Variants in ZDHHC20 observed in about 807,000 individuals in gnomAD.
The protein encoded by ZDHHC20 is palmitoyltransferase ZDHHC20.
ZDHHC20 carries 43 observed loss-of-function variants against 57.8 expected under a neutral mutation model. That is an observed-to-expected ratio of 0.74 (90% confidence interval 0.58 to 0.96). ZDHHC20 has a LOEUF of 0.96. ZDHHC20 is among the 40% of genes least tolerant of loss of function. The pLI, the probability that ZDHHC20 is intolerant of heterozygous loss-of-function variation, is 0.00. For missense variants in ZDHHC20, 391 were observed against 441.1 expected, an observed-to-expected ratio of 0.89 and a Z score of 1.02; for synonymous variants, 157 against 153.0, an observed-to-expected ratio of 1.03 and a Z score of -0.19.
intron 1 of ZDHHC20, among the ~76,000 whole-genome samples, chr13:21,440,271 T>G (rs1883007420): frequency 6.6e-6 from 1 of 152,106 alleles, no homozygotes; most frequent in Non-Finnish European, 1.5e-5. Context: ...GACTATTGTT[T>G]GTACTGTTTT....
intron 4 of ZDHHC20, among the ~76,000 whole-genome samples, chr13:21,412,980 A>C (rs1057449621): frequency 3.4e-4 from 52 of 151,628 alleles, no homozygotes; most frequent in African/African-American, 1.2e-3. Flanking sequence ...AAAAAAAAAA[A>C]AAAAAAAAAA....
At position 21,399,425 on chromosome 13, in the gene ZDHHC20, A is replaced by C. The variant is rs567317151; in HGVS notation, c.594+948T>G. ...TAAATTTTTAAAAAATGGCACATGC[A>C]CAGAGAAAATTAAAATAATGCTAAA... is the stretch of plus-strand genomic sequence containing the variant. On this transcript the variant is annotated intron_variant, in intron 7 of 12. Transcript: ENST00000400590. Among the ~76,000 whole-genome samples, 7 of 152,182 alleles carry C rather than the reference A, an allele frequency of 4.6e-5. No individual in the cohort carries two copies. In the East Asian group the frequency reaches 1.3e-3, roughly 29 times the overall value.
chr13:21,384,207 AG>A (rs1874009323), intron 9 of ZDHHC20, among the ~76,000 whole-genome samples: 3 of 151,768 alleles, frequency 2.0e-5, no homozygotes, highest in African/African-American at 7.3e-5. Context: ...TGGGAGGCTG[AG>A]GCAGGCGGAT....
chr13:21,410,676 T>C (rs938285548), intron 4 of ZDHHC20, among the ~76,000 whole-genome samples: 1 of 152,190 alleles, frequency 6.6e-6, no homozygotes, highest in African/African-American at 2.4e-5. Flanking sequence ...AAAATCCACT[T>C]ACTCAAGCCT....
At chr13:21,422,282 A>C (rs1459933316) in intron 2 of ZDHHC20, among the ~76,000 whole-genome samples, 1 of 151,874 alleles carries the variant, frequency 6.6e-6, no homozygotes, top group African/African-American at 2.4e-5. Context: ...AAAGAAAAGA[A>C]AGACCAAGAA....
At chr13:21,452,596 TATTAATATA>T (rs1884552068) in intron 1 of ZDHHC20, among the ~76,000 whole-genome samples, 1 of 152,192 alleles carries the variant, frequency 6.6e-6, no homozygotes, top group Non-Finnish European at 1.5e-5. Context: ...CTTTAAAAAC[TATTAATATA>T]ATCAACTGTT....
intron 1 of ZDHHC20, among the ~76,000 whole-genome samples, chr13:21,443,579 T>G (rs922843498): frequency 6.6e-6 from 1 of 152,248 alleles, no homozygotes; most frequent in Admixed American, 6.5e-5. Context: ...GTATGGGTTT[T>G]AGAAGGATAT....
chr13:21,375,503 G>C lies in ZDHHC20; in HGVS notation c.*1193C>G, dbSNP rs1386640083. On this transcript the variant is annotated 3_prime_UTR_variant, in exon 13 of 13. Coordinates refer to ENST00000400590, the MANE Select transcript of ZDHHC20 (RefSeq NM_001330059.2). ...GGAGAAATGTGTCTAGTCATAAAGG[G>C]GTTGCCGTTAGGAAGTCAGACTTCA... 1 of 186,258 alleles carries C rather than the reference G, an allele frequency of 5.4e-6. No homozygotes were observed. Among genetic ancestry groups the C allele is most frequent in the African/African-American group, 2.4e-5 (1 of 41,678 alleles). 11.5% of individuals were successfully genotyped at this position (186,258 alleles called of 1,614,324 possible). A position where few individuals can be genotyped will look rare whatever the true frequency, so the allele number is the denominator to read the frequency against.
rs950218968 is a variant in ZDHHC20, at chr13:21,378,677, T to C, written c.*24A>G. 3 of 1,437,896 alleles carry C rather than the reference T, an allele frequency of 2.1e-6. No homozygotes were observed. Among genetic ancestry groups the C allele is most frequent in the Non-Finnish European group, 2.8e-6 (3 of 1,086,330 alleles). 89.1% of individuals were successfully genotyped at this position (1,437,896 alleles called of 1,614,324 possible). On this transcript the variant is annotated 3_prime_UTR_variant, in exon 12 of 13. Coordinates refer to ENST00000400590, the MANE Select transcript of ZDHHC20 (RefSeq NM_001330059.2). ...CTGTCTTACCTTGCTCTTATTCAAA[T>C]GGTTAGTTATGAACAAGTGGTACTC...
chr13:21,422,452 ACCTTTTC>A (rs1319728429), intron 2 of ZDHHC20, among the ~76,000 whole-genome samples: 1 of 152,098 alleles, frequency 6.6e-6, no homozygotes, highest in East Asian at 1.9e-4. Flanking sequence ...TTGCAACCCA[ACCTTTTC>A]TTCTGAAATT....
intron 1 of ZDHHC20, among the ~76,000 whole-genome samples, chr13:21,430,148 G>A (rs578098669): frequency 6.6e-6 from 1 of 152,082 alleles, no homozygotes; most frequent in Admixed American, 6.6e-5. Context: ...ATTGTATCCT[G>A]AAATGTTTTA....
chr13:21,418,299 G>A (rs1880245000), intron 3 of ZDHHC20, among the ~76,000 whole-genome samples: 1 of 152,148 alleles, frequency 6.6e-6, no homozygotes, highest in Non-Finnish European at 1.5e-5. Flanking sequence ...TATAGGAGTA[G>A]AGGAGAATGA....
At chr13:21,451,925 C>A (rs541184178) in intron 1 of ZDHHC20, among the ~76,000 whole-genome samples, 13 of 148,018 alleles carry the variant, frequency 8.8e-5, no homozygotes, top group Admixed American at 6.7e-4. Flanking sequence ...ACTCAGGAGG[C>A]GGAGGTTGCA....
chr13:21,437,004 A>G (rs1827483528), intron 1 of ZDHHC20, among the ~76,000 whole-genome samples: 1 of 152,254 alleles, frequency 6.6e-6, no homozygotes, highest in Admixed American at 6.5e-5. Context: ...TAAAAAAAGT[A>G]CTACTCCAGT....
intron 2 of ZDHHC20, among the ~76,000 whole-genome samples, chr13:21,422,272 A>G (rs1880730040): frequency 1.3e-5 from 2 of 151,862 alleles, no homozygotes; most frequent in Admixed American, 1.3e-4. Context: ...GAAAAAAAAA[A>G]AAGAAAAGAA....
At chr13:21,402,184 T>C (rs1305417025) in intron 5 of ZDHHC20, among the ~76,000 whole-genome samples, 3 of 152,154 alleles carry the variant, frequency 2.0e-5, no homozygotes, top group Admixed American at 2.0e-4. Flanking sequence ...TTTAAACATA[T>C]GCAGGTCATA....
chr13:21,401,994 G>A (rs1213952654), intron 5 of ZDHHC20, among the ~76,000 whole-genome samples: 2 of 152,054 alleles, frequency 1.3e-5, no homozygotes, highest in Non-Finnish European at 2.9e-5. Context: ...CAGCACTTTG[G>A]GAGGTGGAGG....
chr13:21,426,444 A>C (rs1373610070), intron 1 of ZDHHC20, among the ~76,000 whole-genome samples: 1 of 152,148 alleles, frequency 6.6e-6, no homozygotes, highest in African/African-American at 2.4e-5. Context: ...TCCTGCAGTC[A>C]GTGTAACACA....
intron 4 of ZDHHC20, among the ~76,000 whole-genome samples, chr13:21,406,820 T>C (rs1008067652): frequency 1.3e-5 from 2 of 152,236 alleles, no homozygotes; most frequent in Admixed American, 6.5e-5. Flanking sequence ...GTCTTCGCTA[T>C]TGTGAACAGT....
Sources: allele counts gnomAD v4.1 joint callset (sites outside exome capture counted in the v4.1 genomes callset), GRCh38; gene constraint gnomAD v4.1.1; transcripts MANE v1.5; gene names NCBI Gene and HGNC (gene_info 2026-07-23, HGNC 2026-07-21).